Variants in EGR3 observed in about 807,000 individuals in gnomAD.
EGR3 encodes the protein early growth response 3.
EGR3 carries 4 observed loss-of-function variants against 22.4 expected under a neutral mutation model. The observed-to-expected ratio is 0.18, with a 90% confidence interval of 0.09 to 0.41. The LOEUF (loss-of-function observed/expected upper bound fraction) is 0.41, where lower values mean the gene tolerates loss of function less well. Among genes scored for constraint, EGR3 ranks in the 10% least tolerant of loss-of-function variants. The probability of loss-of-function intolerance (pLI) is 1.00; values close to 1 mark genes in which losing one functional copy is unlikely to be tolerated. For synonymous variants in EGR3, 219 were observed against 226.8 expected (o/e 0.97, Z 0.31); for missense variants, 315 against 541.3 (o/e 0.58, Z 4.15).
Position 22,691,437 on chromosome 8 carries a change from TC to T in EGR3, c.199del (p.Glu67AsnfsTer17). The T allele has an allele frequency of 6.2e-7, 1 of 1,613,702 alleles. No homozygotes were observed. Among genetic ancestry groups the T allele is most frequent in the Non-Finnish European group, 8.5e-7 (1 of 1,179,918 alleles). On this transcript the variant is annotated frameshift_variant, in exon 2 of 2. Transcript: ENST00000317216. LOFTEE classifies it high-confidence loss of function. Reference protein sequence around the residue: ...IGLTNEKPNPELSYSGSFQPA... With the variant: ...IGLTNEKPNPXLSYSGSFQPA... ...CTGGAAGGAGCCGGAGTAAGAGAGT[TC>T]CGGGTTGGGCTTCTCGTTGGTCAGA...
chr8:22,692,441 G>A lies in EGR3; in HGVS notation c.154+350C>T. 1.4e-6 allele frequency: 2 copies of A among 1,423,828 alleles called. No homozygotes were observed. The highest frequency in any genetic ancestry group is 6.0e-5 in the Admixed American group (2 of 33,584). The allele number at this position is 1,423,828 out of a possible 1,614,324, so 88.2% of individuals were successfully genotyped here. A position where few individuals can be genotyped will look rare whatever the true frequency, so the allele number is the denominator to read the frequency against. ...GCGACAGCACCACGCCTTGCGCGTAGCCCGGCGATCGGGCCCCCTGCGTGG... is the reference window on the plus strand; with the variant it reads ...GCGACAGCACCACGCCTTGCGCGTAACCCGGCGATCGGGCCCCCTGCGTGG... On this transcript the variant is annotated intron_variant, in intron 1 of 1. Coordinates refer to ENST00000317216, the MANE Select transcript of EGR3 (RefSeq NM_004430.3). The surrounding 1 kb of genome is among the most constrained non-coding windows in gnomAD (Gnocchi z 6.2).
At position 22,693,191 on chromosome 8, in the gene EGR3, C is replaced by G; in HGVS notation, c.-247G>C. 1 of 193,090 alleles carries G rather than the reference C, an allele frequency of 5.2e-6. No homozygotes were observed. The highest frequency in any genetic ancestry group is 9.8e-6 in the Non-Finnish European group (1 of 102,422). 12.0% of individuals were successfully genotyped at this position (193,090 alleles called of 1,614,324 possible). ...ATCCTCTTGGGTGCCTCAGCTGGTG[C>G]GGTATGAGGCTGGGTCGTGGGGGGG... On this transcript the variant is annotated 5_prime_UTR_variant, in exon 1 of 2. Transcript: ENST00000317216.
At chr8:22,691,787 C>G in intron 1 of EGR3, 2 of 985,422 alleles carry the variant, frequency 2.0e-6, no homozygotes, top group Non-Finnish European at 2.4e-6. Flanking sequence ...TTGTTCTTCC[C>G]GAGGTGGGGC....
chr8:22,691,017 G>A lies in EGR3; in HGVS notation c.620C>T (p.Pro207Leu), dbSNP rs763210546. The A allele has an allele frequency of 1.3e-6, 2 of 1,593,842 alleles. No individual in the cohort carries two copies. Among genetic ancestry groups the A allele is most frequent in the Non-Finnish European group, 8.6e-7 (1 of 1,167,504 alleles). Residue 207 changes from proline (P) to leucine (L), a missense_variant, in exon 2 of 2, where the codon CCG becomes CTG. Physicochemically the swap from Pro to Leu is moderately conservative, Grantham distance 98. This residue lies in a region of EGR3 where 227 missense variants were observed against 303.6 expected (regional missense o/e 0.75). Transcript: ENST00000317216. ...CATGCCCTGGAAGGGCTTGTGCTCC[G>A]GAATGGAGCCCATGTCGTTGGGGTG... Reference protein sequence around the residue: ...YHHPNDMGSIPEHKPFQGMDP... With the variant: ...YHHPNDMGSILEHKPFQGMDP...
Position 22,692,766 on chromosome 8 carries a change from C to T in EGR3, c.154+25G>A, listed in dbSNP as rs1804015066. On this transcript the variant is annotated intron_variant, in intron 1 of 1. Coordinates refer to ENST00000317216, the MANE Select transcript of EGR3 (RefSeq NM_004430.3). This position sits in a 1 kb window ranked among gnomAD's most constrained non-coding sequence, Gnocchi z 6.2. The stretch of plus-strand genomic sequence containing the variant: ...TCCTCTCCCCTTCCTTCCTCGCTGC[C>T]TCGCCGCCTCCCCGCCGCCCTTACC... The T allele has an allele frequency of 1.9e-6, 3 of 1,612,312 alleles. No homozygotes were observed. In the African/African-American group the frequency reaches 4.0e-5, roughly 22 times the overall value.
chr8:22,690,584 G>A lies in EGR3; in HGVS notation c.1053C>T (p.His351=), dbSNP rs1348695229. ...KFARSDERKR[H]AKIHLKQKEK... ...CCTTTTGCTTGAGGTGGATCTTGGC[G>A]TGGCGCTTGCGCTCGTCGCTGCGCG... The change falls in exon 2 of 2, where the codon CAC becomes CAT. Residue 351 remains histidine, a synonymous_variant. Transcript: ENST00000317216. 1.2e-6 allele frequency: 2 copies of A among 1,613,896 alleles called. No homozygotes were observed. Among genetic ancestry groups the A allele is most frequent in the Admixed American group, 1.7e-5 (1 of 60,038 alleles).
In EGR3 at chr8:22,693,076, C is replaced by T. The variant is rs1585224132; in HGVS notation, c.-132G>A. The T allele has an allele frequency of 1.4e-5, 1 of 69,372 alleles. No individual in the cohort carries two copies. The highest frequency in any genetic ancestry group is 2.4e-5 in the Non-Finnish European group (1 of 41,242). 4.3% of individuals were successfully genotyped at this position (69,372 alleles called of 1,614,324 possible). ...GGAAAAGCATGCGAGAGGGAAAGTT[C>T]GGGGGGAGGGGGGAGGGAAGAAGGG... On this transcript the variant is annotated 5_prime_UTR_variant, in exon 1 of 2. Coordinates refer to ENST00000317216, the MANE Select transcript of EGR3 (RefSeq NM_004430.3).
chr8:22,692,518 GCC>G lies in EGR3; in HGVS notation c.154+271_154+272del. The G allele has an allele frequency of 7.0e-7, 1 of 1,420,768 alleles. No individual in the cohort carries two copies. Among genetic ancestry groups the G allele is most frequent in the East Asian group, 2.6e-5 (1 of 39,064 alleles). 88.0% of individuals were successfully genotyped at this position (1,420,768 alleles called of 1,614,324 possible). A position where few individuals can be genotyped will look rare whatever the true frequency, so the allele number is the denominator to read the frequency against. On this transcript the variant is annotated intron_variant, in intron 1 of 1. Transcript: ENST00000317216. The surrounding 1 kb of genome is among the most constrained non-coding windows in gnomAD (Gnocchi z 6.2). ...ACCTACCTCCCTCCGGTCGGCGGCT[GCC>G]CCCACCCGGGAGAACCGAAGCCTCT...
chr8:22,693,025 A>G lies in EGR3; in HGVS notation c.-81T>C. On this transcript the variant is annotated 5_prime_UTR_variant, in exon 1 of 2. The change abolishes an upstream ATG in the 5' untranslated region. Coordinates refer to ENST00000317216, the MANE Select transcript of EGR3 (RefSeq NM_004430.3). Reference sequence around the variant, plus strand: ...CTAACGCAGCTTCCAGGCAAGCGGCATCCGAGAGGCGATCCGTGGTGCAGG... The same window carrying G: ...CTAACGCAGCTTCCAGGCAAGCGGCGTCCGAGAGGCGATCCGTGGTGCAGG... 7.5e-7 allele frequency: 1 copy of G among 1,339,712 alleles called. No homozygotes were observed. The highest frequency in any genetic ancestry group is 9.8e-7 in the Non-Finnish European group (1 of 1,023,434). The allele number at this position is 1,339,712 out of a possible 1,614,324, so 83.0% of individuals were successfully genotyped here. A position where few individuals can be genotyped will look rare whatever the true frequency, so the allele number is the denominator to read the frequency against.
Position 22,692,564 on chromosome 8 carries a change from T to C in EGR3, c.154+227A>G. 1 of 1,431,870 alleles carries C rather than the reference T, an allele frequency of 7.0e-7. No homozygotes were observed. Among genetic ancestry groups the C allele is most frequent in the Non-Finnish European group, 9.1e-7 (1 of 1,096,638 alleles). 88.7% of individuals were successfully genotyped at this position (1,431,870 alleles called of 1,614,324 possible). On this transcript the variant is annotated intron_variant, in intron 1 of 1. Transcript: ENST00000317216. The surrounding 1 kb of genome is among the most constrained non-coding windows in gnomAD (Gnocchi z 6.2). ...AGCCTCTACCGTGGCGTCGCCAACCTAGCCTTCTCGATCGAGGAGGGCGGG... is the reference window on the plus strand; with the variant it reads ...AGCCTCTACCGTGGCGTCGCCAACCCAGCCTTCTCGATCGAGGAGGGCGGG...
chr8:22,691,602 G>C, intron 1 of EGR3, 120 bp from the exon 2 acceptor site: 1 of 1,464,208 alleles, frequency 6.8e-7, no homozygotes, highest in Non-Finnish European at 9.1e-7. Context: ...TAGCGCATGG[G>C]GTAAGAGGAA....
At position 22,690,263 on chromosome 8, in the gene EGR3, G is replaced by T; in HGVS notation, c.*210C>A. On this transcript the variant is annotated 3_prime_UTR_variant, in exon 2 of 2. Coordinates refer to ENST00000317216, the MANE Select transcript of EGR3 (RefSeq NM_004430.3). ...ACGCCTTGGCTAAGTGGGGGACCGC[G>T]AGGGGAAGGCGCCTCCAGCCCTGGC... is the stretch of plus-strand genomic sequence containing the variant. 1 of 575,902 alleles carries T rather than the reference G, an allele frequency of 1.7e-6. No individual in the cohort carries two copies. Among genetic ancestry groups the T allele is most frequent in the South Asian group, 2.3e-5 (1 of 43,396 alleles). 35.7% of individuals were successfully genotyped at this position (575,902 alleles called of 1,614,324 possible).
chr8:22,689,053 AT>A lies in EGR3; in HGVS notation c.*1419del, dbSNP rs2128744484. The A allele has an allele frequency of 6.5e-6, 1 of 152,792 alleles. No homozygotes were observed. Among genetic ancestry groups the A allele is most frequent in the Non-Finnish European group, 1.5e-5 (1 of 68,038 alleles). 9.5% of individuals were successfully genotyped at this position (152,792 alleles called of 1,614,324 possible). ...TGTATATATGTACACTCACATGTAT[AT>A]GTACAGATATGTGTGCATCTATATC... On this transcript the variant is annotated 3_prime_UTR_variant, in exon 2 of 2. Coordinates refer to ENST00000317216, the MANE Select transcript of EGR3 (RefSeq NM_004430.3).
In EGR3 at chr8:22,688,855, G is replaced by T. The variant is rs1803849569; in HGVS notation, c.*1618C>A. Reference sequence around the variant, plus strand: ...GGCTGGCAGGACAGCTGGGGAAGAGGGGTGCCTGAGAAGAGGTGAGGTAGG... The same window carrying T: ...GGCTGGCAGGACAGCTGGGGAAGAGTGGTGCCTGAGAAGAGGTGAGGTAGG... On this transcript the variant is annotated 3_prime_UTR_variant, in exon 2 of 2. Transcript: ENST00000317216. 6.6e-6 allele frequency: 1 copy of T among 152,628 alleles called. No individual in the cohort carries two copies. The highest frequency in any genetic ancestry group is 1.5e-5 in the Non-Finnish European group (1 of 68,046). The allele number at this position is 152,628 out of a possible 1,614,324, so 9.5% of individuals were successfully genotyped here. A position where few individuals can be genotyped will look rare whatever the true frequency, so the allele number is the denominator to read the frequency against.
Position 22,692,454 on chromosome 8 carries a change from G to GC in EGR3, c.154+336dup. On this transcript the variant is annotated intron_variant, in intron 1 of 1. Coordinates refer to ENST00000317216, the MANE Select transcript of EGR3 (RefSeq NM_004430.3). The surrounding 1 kb of genome is among the most constrained non-coding windows in gnomAD (Gnocchi z 6.2). ...GCCTTGCGCGTAGCCCGGCGATCGGGCCCCCTGCGTGGTGAGGGAGAACCC... is the reference window on the plus strand; with the variant it reads ...GCCTTGCGCGTAGCCCGGCGATCGGGCCCCCCTGCGTGGTGAGGGAGAACCC... 3 of 1,422,946 alleles carry GC rather than the reference G, an allele frequency of 2.1e-6. No homozygotes were observed. The highest frequency in any genetic ancestry group is 2.7e-6 in the Non-Finnish European group (3 of 1,093,298). The allele number at this position is 1,422,946 out of a possible 1,614,324, so 88.1% of individuals were successfully genotyped here.
Position 22,690,459 on chromosome 8 carries a change from TG to T in EGR3, c.*13del, listed in dbSNP as rs2128744760. 7 of 1,584,586 alleles carry T rather than the reference TG, an allele frequency of 4.4e-6. No homozygotes were observed. Among genetic ancestry groups the T allele is most frequent in the Non-Finnish European group, 5.2e-6 (6 of 1,162,690 alleles). ...GCACTGGAGGGGAAAAGTGGGGATCTGGGGGCCCGATCCTCAGGCGCAGGTG... is the reference window on the plus strand; with the variant it reads ...GCACTGGAGGGGAAAAGTGGGGATCTGGGGCCCGATCCTCAGGCGCAGGTG... On this transcript the variant is annotated 3_prime_UTR_variant, in exon 2 of 2. Transcript: ENST00000317216.
In EGR3 at chr8:22,692,761, G is replaced by C; in HGVS notation, c.154+30C>G. The stretch of plus-strand genomic sequence containing the variant: ...CCTCTTCCTCTCCCCTTCCTTCCTC[G>C]CTGCCTCGCCGCCTCCCCGCCGCCC... On this transcript the variant is annotated intron_variant, in intron 1 of 1. Coordinates refer to ENST00000317216, the MANE Select transcript of EGR3 (RefSeq NM_004430.3). The surrounding 1 kb of genome is among the most constrained non-coding windows in gnomAD (Gnocchi z 6.2). The C allele has an allele frequency of 6.2e-7, 1 of 1,610,300 alleles. No homozygotes were observed. Among genetic ancestry groups the C allele is most frequent in the Non-Finnish European group, 8.5e-7 (1 of 1,178,878 alleles).
At position 22,692,767 on chromosome 8, in the gene EGR3, T is replaced by TCGCCGCCTCCC. The variant is rs772426856; in HGVS notation, c.154+13_154+23dup. 1.3e-5 allele frequency: 21 copies of TCGCCGCCTCCC among 1,610,092 alleles called. 1 individual carries two copies. The South Asian group carries it at 2.3e-4, about 18-fold the overall frequency. ...CCTCTCCCCTTCCTTCCTCGCTGCC[T>TCGCCGCCTCCC]CGCCGCCTCCCCGCCGCCCTTACCT... On this transcript the variant is annotated intron_variant, in intron 1 of 1. Coordinates refer to ENST00000317216, the MANE Select transcript of EGR3 (RefSeq NM_004430.3). The surrounding 1 kb of genome is among the most constrained non-coding windows in gnomAD (Gnocchi z 6.2).
chr8:22,690,966 G>A lies in EGR3; in HGVS notation c.671C>T (p.Pro224Leu). ...CTTGATGGTCTCCAGAGGGGTAATA[G>A]GGGGCGGGTTGACCCGGATGGGGTC... ...GMDPIRVNPPPITPLETIKAF... is the reference protein window; with the variant it reads ...GMDPIRVNPPLITPLETIKAF... The change falls in exon 2 of 2, where the codon CCT (proline) becomes CTT (leucine). Residue 224 changes from proline to leucine, a missense_variant. Around this residue, in one of 4 missense-constraint regions of EGR3, gnomAD observed 227 missense variants for 303.6 expected, o/e 0.75. Coordinates refer to ENST00000317216, the MANE Select transcript of EGR3 (RefSeq NM_004430.3). 1 of 1,567,318 alleles carries A rather than the reference G, an allele frequency of 6.4e-7. No homozygotes were observed. Among genetic ancestry groups the A allele is most frequent in the Non-Finnish European group, 8.7e-7 (1 of 1,154,094 alleles).
Sources: allele counts gnomAD v4.1 joint callset, GRCh38; gene constraint gnomAD v4.1.1; regional missense constraint gnomAD v4.1.1; non-coding constraint Gnocchi (gnomAD v3.1); transcripts MANE v1.5; gene names NCBI Gene and HGNC (gene_info 2026-07-23, HGNC 2026-07-21).